CR1: variants seen among roughly 807,000 people sequenced by gnomAD.
CR1 encodes the protein complement receptor type 1.
CR1 carries 116 observed loss-of-function variants against 187.3 expected under a neutral mutation model. The ratio of observed to expected loss-of-function variants is 0.62; its 90% CI spans 0.53 to 0.72. The LOEUF (loss-of-function observed/expected upper bound fraction) is 0.72, where lower values mean the gene tolerates loss of function less well. Among genes scored for constraint, CR1 ranks in the 30% least tolerant of loss-of-function variants. The pLI is 0.00. For missense variants in CR1, 1,731 were observed against 2,110.7 expected (o/e 0.82, Z 3.52); for synonymous variants, 576 against 747.1 (o/e 0.77, Z 3.73).
rs1659072828 is a variant in CR1 at position 207,496,168 on chromosome 1, G to A, written c.-100G>A. The stretch of plus-strand genomic sequence containing the variant: ...CCGCAGCCCTCCCCACACTCTGGGC[G>A]CGGAGCACAATGATTGGTCACTCCT... On this transcript the variant is annotated 5_prime_UTR_variant, in exon 1 of 47. Coordinates refer to ENST00000367049, the MANE Select transcript of CR1 (RefSeq NM_000651.6). The A allele has an allele frequency of 3.1e-6, 5 of 1,599,232 alleles. No homozygotes were observed. In the South Asian group the frequency reaches 5.6e-5, roughly 18 times the overall value.
At chr1:207,496,512 G>A in intron 1 of CR1, 124 bp downstream of exon 1, 9 of 990,132 alleles carry the variant, frequency 9.1e-6, no homozygotes, top group Non-Finnish European at 1.3e-5. Flanking sequence ...CAGCGCGATG[G>A]GTGGGCTGAG....
At chr1:207,609,909 A>T (rs1661871350) in intron 37 of CR1, among the ~76,000 whole-genome samples, 1 of 152,230 alleles carries the variant, frequency 6.6e-6, no homozygotes, top group African/African-American at 2.4e-5. Context: ...TAACATTTAC[A>T]GCAAATATAT....
In CR1 at chr1:207,526,825, A is replaced by T; in HGVS notation, c.959A>T (p.Gln320Leu). ...QRDKDNFSPG[Q>L]EVFYSCEPGY... is the part of the protein sequence containing the mutation. ...GACAAGGACAACTTTTCACCTGGGCAGGAAGTGTTCTACAGCTGTGAGCCC... is the reference window on the plus strand; with the variant it reads ...GACAAGGACAACTTTTCACCTGGGCTGGAAGTGTTCTACAGCTGTGAGCCC... The change falls in exon 6 of 47, where the codon CAG (glutamine) becomes CTG (leucine). Residue 320 changes from glutamine (Q) to leucine (L), a missense_variant. Gln to Leu is a moderately radical substitution (Grantham distance 113, BLOSUM62 -2). Transcript: ENST00000367049. 6.7e-7 allele frequency: 1 copy of T among 1,492,326 alleles called. No individual in the cohort carries two copies. The highest frequency in any genetic ancestry group is 2.4e-5 in the East Asian group (1 of 41,858). The allele number at this position is 1,492,326 out of a possible 1,614,324, so 92.4% of individuals were successfully genotyped here.
At chr1:207,500,593 T>A (rs1177110393) in intron 1 of CR1, among the ~76,000 whole-genome samples, 2 of 152,180 alleles carry the variant, frequency 1.3e-5, no homozygotes, top group African/African-American at 2.4e-5. Flanking sequence ...ACATACCCAC[T>A]AGAATGACTA....
intron 31 of CR1, 42 bp from the exon 32 acceptor site, chr1:207,581,876 G>T: frequency 7.4e-7 from 1 of 1,359,054 alleles, no homozygotes. Flanking sequence ...AGGGAAGAGA[G>T]AAATGGTGCA....
intron 34 of CR1, 116 bp downstream of exon 34, chr1:207,587,681 T>C: frequency 1.1e-5 from 11 of 1,021,316 alleles, no homozygotes; most frequent in South Asian, 1.9e-5. Flanking sequence ...GGCAGATAGC[T>C]TGAACTCAGG....
In CR1 at chr1:207,578,204, G is replaced by A. The variant is rs1205040684; in HGVS notation, c.4936+1G>A. 2 of 1,611,886 alleles carry A rather than the reference G, an allele frequency of 1.2e-6. No individual in the cohort carries two copies. Among genetic ancestry groups the A allele is most frequent in the Admixed American group, 1.7e-5 (1 of 60,026 alleles). ...CCAGAGTTACCAAGCTGCTCCAGGG[G>A]TGAGTCTGACTGATGCCTAGAAGGG... On this transcript the variant is annotated splice_donor_variant, in intron 29 of 46. Coordinates refer to ENST00000367049, the MANE Select transcript of CR1 (RefSeq NM_000651.6). LOFTEE classifies it high-confidence loss of function.
chr1:207,610,763 G>C (rs1032259822), intron 37 of CR1, among the ~76,000 whole-genome samples: 6 of 152,004 alleles, frequency 3.9e-5, no homozygotes, highest in Admixed American at 3.9e-4. Flanking sequence ...TTCTTTGAGG[G>C]GGGGTTGTTC....
rs372881623 is a variant in CR1, at chr1:207,578,071, A to G, written c.4804A>G (p.Asn1602Asp). The G allele has an allele frequency of 1.7e-5, 27 of 1,611,640 alleles. No homozygotes were observed. The highest frequency in any genetic ancestry group is 2.0e-5 in the Non-Finnish European group (24 of 1,179,642). Residue 1602 changes from asparagine to aspartate, a missense_variant, in exon 29 of 47, where the codon AAC (asparagine) becomes GAC (aspartate). This residue lies in a region of CR1 where 1,312 missense variants were observed against 1,379.6 expected (regional missense o/e 0.95). Coordinates refer to ENST00000367049, the MANE Select transcript of CR1 (RefSeq NM_000651.6). ...GGAAAATGGAATATTGGTATCTGAC[A>G]ACAGAAGCTTATTTTCCTTAAATGA... is the stretch of plus-strand genomic sequence containing the variant. Reference protein sequence around the residue: ...NVENGILVSDNRSLFSLNEVV... With the variant: ...NVENGILVSDDRSLFSLNEVV...
chr1:207,632,506 C>T (rs960365658), intron 46 of CR1, among the ~76,000 whole-genome samples: 1 of 152,038 alleles, frequency 6.6e-6, no homozygotes, highest in Non-Finnish European at 1.5e-5. Context: ...TAAAATAAGA[C>T]GGCTGGGCGC....
At chr1:207,617,432 A>G (rs1292584891) in intron 41 of CR1, among the ~76,000 whole-genome samples, 2 of 142,962 alleles carry the variant, frequency 1.4e-5, no homozygotes, top group African/African-American at 2.6e-5. Context: ...TGGCACATGT[A>G]TACCTATGTA....
At chr1:207,519,819 C>A (rs1170852872) in intron 4 of CR1, among the ~76,000 whole-genome samples, 1 of 99,764 alleles carries the variant, frequency 1.0e-5, no homozygotes, top group African/African-American at 3.2e-5. Flanking sequence ...ACAGAAACAG[C>A]CGATTGGTTA....
intron 46 of CR1, among the ~76,000 whole-genome samples, chr1:207,634,961 C>T (rs1176988996): frequency 6.6e-6 from 1 of 152,030 alleles, no homozygotes; most frequent in Non-Finnish European, 1.5e-5. Context: ...TTTCTTTGGA[C>T]AAAATTAAAA....
intron 35 of CR1, among the ~76,000 whole-genome samples, chr1:207,604,892 G>T (rs931681305): frequency 2.0e-5 from 3 of 152,092 alleles, no homozygotes; most frequent in African/African-American, 7.2e-5. Context: ...AAAGGGCGCA[G>T]GGTTTCAGTT....
intron 1 of CR1, among the ~76,000 whole-genome samples, chr1:207,497,509 G>C (rs1366244158): frequency 6.6e-6 from 1 of 152,082 alleles, no homozygotes; most frequent in South Asian, 2.1e-4. Context: ...TTCTCTAAAA[G>C]AGTAAATAAA....
chr1:207,575,723 C>T, intron 28 of CR1, 43 bp downstream of exon 28: 1 of 1,611,106 alleles, frequency 6.2e-7, no homozygotes, highest in Non-Finnish European at 8.5e-7. Flanking sequence ...CCATTGAATC[C>T]TAGAGTTGTC....
At chr1:207,617,784 T>C (rs1662193274) in intron 41 of CR1, among the ~76,000 whole-genome samples, 1 of 151,344 alleles carries the variant, frequency 6.6e-6, no homozygotes, top group East Asian at 1.9e-4. Flanking sequence ...CATCTTCCAG[T>C]AAGGACAGAA....
intron 4 of CR1, among the ~76,000 whole-genome samples, chr1:207,519,715 A>G (rs917639144): frequency 2.0e-5 from 3 of 152,246 alleles, no homozygotes; most frequent in Admixed American, 6.5e-5. Flanking sequence ...CTCCCGAGCC[A>G]AAGTAAGCGC....
intron 4 of CR1, among the ~76,000 whole-genome samples, chr1:207,514,675 C>T (rs1486088601): frequency 6.6e-6 from 1 of 152,016 alleles, no homozygotes; most frequent in Non-Finnish European, 1.5e-5. Flanking sequence ...CAACCAGCAC[C>T]GCCAATTAAT....
Sources: gnomAD v4.1 joint callset for allele counts (sites outside exome capture counted in the v4.1 genomes callset) on GRCh38, gnomAD v4.1.1 for gene constraint, gnomAD v4.1.1 regional missense constraint, MANE v1.5 for transcripts, NCBI Gene and HGNC (gene_info 2026-07-23, HGNC 2026-07-21) for gene names.